VRK3: variants seen among roughly 807,000 people sequenced by gnomAD.
VRK3 encodes the protein VRK serine/threonine kinase 3.
VRK3 carries 50 observed loss-of-function variants against 60.4 expected under a neutral mutation model. The ratio of observed to expected loss-of-function variants is 0.83; its 90% CI spans 0.66 to 1.05. The LOEUF is 1.05. Among genes scored for constraint, VRK3 ranks in the 50% least tolerant of loss-of-function variants. The probability of loss-of-function intolerance (pLI) is 0.00; values close to 1 mark genes in which losing one functional copy is unlikely to be tolerated. For missense variants in VRK3, 549 were observed against 585.3 expected (o/e 0.94, Z 0.64); for synonymous variants, 246 against 227.8 (o/e 1.08, Z -0.72).
chr19:50,017,448 C>T (rs965411101), intron 2 of VRK3, among the ~76,000 whole-genome samples: 1 of 150,742 alleles, frequency 6.6e-6, no homozygotes, highest in Non-Finnish European at 1.5e-5. Flanking sequence ...GTGGTGCACG[C>T]CTGTAATCCC....
At chr19:49,993,547 T>C (rs145781311) in intron 9 of VRK3, among the ~76,000 whole-genome samples, 7,958 of 152,052 alleles carry the variant, frequency 0.052, 685 homozygotes, top group African/African-American at 0.18. Context: ...TACAGGTGGG[T>C]GCCACCACAC....
intron 3 of VRK3, among the ~76,000 whole-genome samples, chr19:50,012,589 G>A (rs901215305): frequency 4.6e-5 from 7 of 152,126 alleles, no homozygotes; most frequent in African/African-American, 1.7e-4. Context: ...CATTAGGAAA[G>A]GCAGGGGTTG....
chr19:50,008,035 G>A (rs2076928405), intron 4 of VRK3, among the ~76,000 whole-genome samples: 1 of 152,198 alleles, frequency 6.6e-6, no homozygotes, highest in Admixed American at 6.5e-5. Flanking sequence ...GGAGTGCCCA[G>A]TTTGGTGGGC....
intron 5 of VRK3, among the ~76,000 whole-genome samples, chr19:50,006,257 C>A (rs988826150): frequency 6.6e-6 from 1 of 151,448 alleles, no homozygotes; most frequent in Admixed American, 6.6e-5. Context: ...TTGTTAAAAG[C>A]CGAGATCGTG....
chr19:49,991,519 A>G (rs116810754), intron 10 of VRK3, among the ~76,000 whole-genome samples: 1,912 of 137,226 alleles, frequency 0.014, 28 homozygotes, highest in African/African-American at 0.06. Context: ...ATAAATCTCT[A>G]CACACACACA....
chr19:50,006,549 G>A (rs1008120726), intron 5 of VRK3, among the ~76,000 whole-genome samples: 35 of 151,742 alleles, frequency 2.3e-4, no homozygotes, highest in African/African-American at 5.8e-4. Flanking sequence ...CTAATTTTTT[G>A]TATTTTTAGT....
chr19:49,986,152 C>T (rs1310479700), intron 12 of VRK3: 2 of 152,244 alleles, frequency 1.3e-5, no homozygotes, highest in African/African-American at 2.4e-5. Flanking sequence ...GCCAATTAAA[C>T]ACATACCCAA....
chr19:49,981,121 C>T (rs753347745), intron 12 of VRK3, 108 bp from the exon 13 acceptor site: 6 of 1,000,190 alleles, frequency 6.0e-6, no homozygotes, highest in Non-Finnish European at 9.2e-6. Context: ...ACACAGTCCC[C>T]TCTGCCATCC....
rs2076923368 is a variant in VRK3 at position 50,007,790 on chromosome 19, G to A, written c.326C>T (p.Pro109Leu). ...GSRPPTPKSS[P>L]QKTRKSPQVT... The stretch of plus-strand genomic sequence containing the variant: ...CTGAGGGCTCTTCCTGGTCTTCTGA[G>A]GGCTGCTTTTGGGGGTTGGGGGTCT... The change falls in exon 5 of 15, where the codon CCT (proline) becomes CTT (leucine). Residue 109 changes from proline to leucine, a missense_variant. By Grantham distance (98) the Pro-to-Leu change is moderately conservative. Coordinates refer to ENST00000316763, the MANE Select transcript of VRK3 (RefSeq NM_016440.4). 1.9e-6 allele frequency: 3 copies of A among 1,614,206 alleles called. No individual in the cohort carries two copies. The highest frequency in any genetic ancestry group is 2.5e-6 in the Non-Finnish European group (3 of 1,180,038).
chr19:49,985,680 G>A (rs930109099), intron 12 of VRK3, among the ~76,000 whole-genome samples: 1 of 152,138 alleles, frequency 6.6e-6, no homozygotes, highest in African/African-American at 2.4e-5. Flanking sequence ...CCCGCAATAG[G>A]ATGTGAGCTC....
intron 2 of VRK3, among the ~76,000 whole-genome samples, chr19:50,016,854 T>G (rs1247397534): frequency 7.1e-6 from 1 of 141,472 alleles, no homozygotes; most frequent in South Asian, 2.1e-4. Context: ...GCAGTTTGTA[T>G]TGCCCTTCAT....
chr19:49,986,314 CATTTATACAA>C (rs755117866), intron 12 of VRK3: 1 of 152,934 alleles, frequency 6.5e-6, no homozygotes, highest in Non-Finnish European at 1.5e-5. Flanking sequence ...AGCATAGTGC[CATTTATACAA>C]ATTAACACAC....
Position 49,980,975 on chromosome 19 carries a change from C to T in VRK3, c.1256G>A (p.Gly419Asp). 6.2e-7 allele frequency: 1 copy of T among 1,612,028 alleles called. No individual in the cohort carries two copies. Among genetic ancestry groups the T allele is most frequent in the Non-Finnish European group, 8.5e-7 (1 of 1,179,168 alleles). ...DKPGPFVGPC[G>D]HWIRPSETLQ... ...CGTACCTGAGGGCCTGATCCAGTGA[C>T]CGCAGGGTCCCACGAAGGGCCCCGG... The change falls in exon 13 of 15, where the codon GGT (glycine) becomes GAT (aspartate). Residue 419 changes from glycine to aspartate, a missense_variant. Gly to Asp is a moderately conservative substitution (Grantham distance 94). Coordinates refer to ENST00000316763, the MANE Select transcript of VRK3 (RefSeq NM_016440.4).
intron 12 of VRK3, 181 bp downstream of exon 12, chr19:49,988,191 G>T: frequency 1.1e-6 from 1 of 910,062 alleles, no homozygotes; most frequent in Non-Finnish European, 1.5e-6. Flanking sequence ...GTGTGGCTCC[G>T]GAACACCTGC....
At chr19:49,995,564 T>A (rs1305224994) in intron 7 of VRK3, among the ~76,000 whole-genome samples, 1 of 152,168 alleles carries the variant, frequency 6.6e-6, no homozygotes, top group South Asian at 2.1e-4. Context: ...ACAGGGTTAC[T>A]TCCGAATTCA....
intron 7 of VRK3, among the ~76,000 whole-genome samples, chr19:49,996,754 T>C (rs1030876875): frequency 6.6e-6 from 1 of 151,656 alleles, no homozygotes; most frequent in Non-Finnish European, 1.5e-5. Context: ...GTAGCTGAGA[T>C]TACAGGCACA....
chr19:50,019,184 A>G (rs991764152), intron 2 of VRK3: 10 of 136,180 alleles, frequency 7.3e-5, no homozygotes, highest in South Asian at 2.1e-4. Context: ...AAAAAAAAAA[A>G]AAAGAAAAAA....
intron 12 of VRK3, chr19:49,982,173 T>C: frequency 1.4e-6 from 1 of 703,002 alleles, no homozygotes; most frequent in Non-Finnish European, 2.6e-6. Context: ...TACATTAAAA[T>C]GAATCCCAAG....
chr19:50,024,864 C>T (rs1276995420), intron 1 of VRK3: 1 of 152,180 alleles, frequency 6.6e-6, no homozygotes, highest in African/African-American at 2.4e-5. Context: ...AGTGTTCCTC[C>T]TAGAAAGTTC....
Sources: gnomAD v4.1 joint callset for allele counts (sites outside exome capture counted in the v4.1 genomes callset) on GRCh38, gnomAD v4.1.1 for gene constraint, MANE v1.5 for transcripts, NCBI Gene and HGNC (gene_info 2026-07-23, HGNC 2026-07-21) for gene names.